The following KIF26B variants were observed in gnomAD, a reference collection of about 807,000 sequenced individuals.
The protein encoded by KIF26B is kinesin-like protein KIF26B.
Under a neutral mutation model 151.2 loss-of-function variants are expected in KIF26B, and 63 were observed. The ratio of observed to expected loss-of-function variants is 0.42; its 90% CI spans 0.34 to 0.51. KIF26B has a LOEUF of 0.51. Among genes scored for constraint, KIF26B ranks in the 20% least tolerant of loss-of-function variants. The pLI is 0.07. For missense variants in KIF26B, 2,813 were observed against 2,913.6 expected (o/e 0.97, Z 0.79); for synonymous variants, 1,357 against 1,262.1 (o/e 1.08, Z -1.59).
chr1:245,612,042 C>A (rs931366350), intron 9 of KIF26B, 66 bp downstream of exon 9: 1 of 1,362,004 alleles, frequency 7.3e-7, no homozygotes, highest in Non-Finnish European at 1.0e-6. Context: ...ATCCCTTGGG[C>A]AACCATGACC....
At chr1:245,213,289 T>C (rs1333426976) in intron 2 of KIF26B, among the ~76,000 whole-genome samples, 1 of 152,244 alleles carries the variant, frequency 6.6e-6, no homozygotes, top group Non-Finnish European at 1.5e-5. Flanking sequence ...TCAGGCCATC[T>C]GCTCACATGG....
chr1:245,184,343 T>C (rs1239239681), intron 2 of KIF26B, among the ~76,000 whole-genome samples: 1 of 152,028 alleles, frequency 6.6e-6, no homozygotes, highest in African/African-American at 2.4e-5. Context: ...CTTGGACATA[T>C]TGCAAGAAAT....
At chr1:245,655,219 CTCAA>C (rs2044060730) in intron 10 of KIF26B, among the ~76,000 whole-genome samples, 1 of 152,236 alleles carries the variant, frequency 6.6e-6, no homozygotes, top group African/African-American at 2.4e-5. Flanking sequence ...TCAGCAAAAT[CTCAA>C]TCATTCTTAC....
At position 245,681,456 on chromosome 1, in the gene KIF26B, A is replaced by G. The variant is rs535070833; in HGVS notation, c.2259-2777A>G. Among the ~76,000 whole-genome samples the G allele has an allele frequency of 1.5e-3, 234 of 151,928 alleles. 2 individuals are homozygous for G. The highest frequency in any genetic ancestry group is 6.8e-4 in the Non-Finnish European group (46 of 67,952). On this transcript the variant is annotated intron_variant, in intron 10 of 14. Transcript: ENST00000407071. ...GATCTCCTGACCTCATGATCCACCC[A>G]CCTCGGCCTCCCAAAGTGCTGGGAT...
Position 245,630,202 on chromosome 1 carries a change from T to TA in KIF26B, c.2099-15918dup, listed in dbSNP as rs1481638752. Among the ~76,000 whole-genome samples, 3 of 152,174 alleles carry TA rather than the reference T, an allele frequency of 2.0e-5. No homozygotes were observed. In the East Asian group the frequency reaches 5.8e-4, roughly 29 times the overall value. On this transcript the variant is annotated intron_variant, in intron 9 of 14. Transcript: ENST00000407071. ...TTCTTCAAGGATCTAGAACCAGAAA[T>TA]ACCATTTGACCCAGCAATCCCATTA...
Position 245,614,408 on chromosome 1 carries a change from C to T in KIF26B, c.2098+2432C>T, listed in dbSNP as rs112244730. Among the ~76,000 whole-genome samples, 1,082 of 152,294 alleles carry T rather than the reference C, an allele frequency of 7.1e-3. 15 individuals are homozygous for T. Among genetic ancestry groups the T allele is most frequent in the African/African-American group, 0.025 (1,043 of 41,562 alleles). On this transcript the variant is annotated intron_variant, in intron 9 of 14. Coordinates refer to ENST00000407071, the MANE Select transcript of KIF26B (RefSeq NM_018012.4). ...CAGGATGGTCTTGAACTCCTGACCTCGTGATCCACCCGCCTCAGCCTCCCA... is the reference window on the plus strand; with the variant it reads ...CAGGATGGTCTTGAACTCCTGACCTTGTGATCCACCCGCCTCAGCCTCCCA...
At chr1:245,283,080 T>TGGCTCC (rs1671092011) in intron 2 of KIF26B, 2 of 171,170 alleles carry the variant, frequency 1.2e-5, no homozygotes, top group African/African-American at 4.8e-5. Flanking sequence ...TGCTACCACC[T>TGGCTCC]ACTAGCCATG....
intron 9 of KIF26B, among the ~76,000 whole-genome samples, chr1:245,621,308 T>C (rs966996097): frequency 2.0e-5 from 3 of 152,194 alleles, no homozygotes; most frequent in Non-Finnish European, 4.4e-5. Flanking sequence ...TCTTGGGTGA[T>C]TTATTTAACT....
In KIF26B at chr1:245,602,555, GTCGCCCATCTTT is replaced by G. The variant is rs777205174; in HGVS notation, c.1351-19_1351-8del. On this transcript the variant is annotated splice_polypyrimidine_tract_variant and intron_variant, in intron 5 of 14. Transcript: ENST00000407071. This position sits in a 1 kb window ranked among gnomAD's most constrained non-coding sequence, Gnocchi z 4.5. ...ACACCCAGCTGTCTTCATCCATGCTGTCGCCCATCTTTTCTTAACAGGTGAAAGTCATGCTTC... is the reference window on the plus strand; with the variant it reads ...ACACCCAGCTGTCTTCATCCATGCTGTCTTAACAGGTGAAAGTCATGCTTC... 5 of 1,582,636 alleles carry G rather than the reference GTCGCCCATCTTT, an allele frequency of 3.2e-6. No individual in the cohort carries two copies. In the East Asian group the frequency reaches 1.1e-4, roughly 36 times the overall value.
At chr1:245,419,306 C>T (rs1196336349) in intron 3 of KIF26B, among the ~76,000 whole-genome samples, 3 of 152,198 alleles carry the variant, frequency 2.0e-5, no homozygotes, top group African/African-American at 7.2e-5. Context: ...ATGTTTTCCC[C>T]TCCAAATGGA....
chr1:245,395,761 C>G (rs1260375388), intron 3 of KIF26B, among the ~76,000 whole-genome samples: 1 of 152,190 alleles, frequency 6.6e-6, no homozygotes, highest in East Asian at 1.9e-4. Context: ...ACCCGTATGA[C>G]ATTGTATTTA....
chr1:245,304,029 G>C (rs943728996), intron 2 of KIF26B, among the ~76,000 whole-genome samples: 2 of 152,212 alleles, frequency 1.3e-5, no homozygotes, highest in Non-Finnish European at 2.9e-5. Flanking sequence ...AGGATCCCAG[G>C]GGGAAGCTCA....
chr1:245,424,002 C>T (rs1368091594), intron 4 of KIF26B, among the ~76,000 whole-genome samples: 1 of 151,784 alleles, frequency 6.6e-6, no homozygotes, highest in African/African-American at 2.4e-5. Flanking sequence ...CTGTGCCCAG[C>T]TAATTTATTT....
At chr1:245,395,937 G>C (rs1309329750) in intron 3 of KIF26B, among the ~76,000 whole-genome samples, 1 of 151,872 alleles carries the variant, frequency 6.6e-6, no homozygotes, top group East Asian at 1.9e-4. Flanking sequence ...CTGTAGAACA[G>C]GGGGGGAAAT....
At chr1:245,333,164 C>T (rs547719926) in intron 2 of KIF26B, among the ~76,000 whole-genome samples, 10 of 152,178 alleles carry the variant, frequency 6.6e-5, no homozygotes, top group Non-Finnish European at 1.3e-4. Context: ...ACATTAGCCA[C>T]GATTAGCCAA....
intron 6 of KIF26B, among the ~76,000 whole-genome samples, chr1:245,604,112 G>A (rs1057176683): frequency 2.0e-5 from 3 of 152,194 alleles, no homozygotes; most frequent in African/African-American, 7.2e-5. Context: ...AGAACTGATT[G>A]CAGAAATGAA....
At position 245,170,837 on chromosome 1, in the gene KIF26B, C is replaced by A. The variant is rs1052406149; in HGVS notation, c.465+14154C>A. Among the ~76,000 whole-genome samples the A allele has an allele frequency of 2.6e-5, 4 of 152,198 alleles. No individual in the cohort carries two copies. The highest frequency in any genetic ancestry group is 2.1e-4 in the South Asian group (1 of 4,828). ...TTTGGGGAGAACATAAGCGTTCAGT[C>A]TGTTGCAGCAAGCATGAGGTCACTT... On this transcript the variant is annotated intron_variant, in intron 2 of 14. Transcript: ENST00000407071. The surrounding 1 kb of genome is among the most constrained non-coding windows in gnomAD (Gnocchi z 4.4).
chr1:245,630,973 A>G (rs528895040), intron 9 of KIF26B, among the ~76,000 whole-genome samples: 43 of 152,198 alleles, frequency 2.8e-4, no homozygotes, highest in African/African-American at 1.0e-3. Flanking sequence ...TAGAAACACT[A>G]CTGATTTTTG....
At chr1:245,377,682 G>A (rs1243435109) in intron 3 of KIF26B, among the ~76,000 whole-genome samples, 1 of 152,202 alleles carries the variant, frequency 6.6e-6, no homozygotes, top group Non-Finnish European at 1.5e-5. Flanking sequence ...AAGAAGAAAA[G>A]TGAAGTTGCA....
Sources: gnomAD v4.1 joint callset for allele counts (sites outside exome capture counted in the v4.1 genomes callset) on GRCh38, gnomAD v4.1.1 for gene constraint, Gnocchi (gnomAD v3.1) non-coding constraint, MANE v1.5 for transcripts, NCBI Gene and HGNC (gene_info 2026-07-23, HGNC 2026-07-21) for gene names.